Variants in COL18A1 observed in about 807,000 individuals in gnomAD.
The protein encoded by COL18A1 is collagen type XVIII alpha 1 chain.
In COL18A1, 133 loss-of-function variants were observed where a neutral mutation model predicts 168.0. The ratio of observed to expected loss-of-function variants is 0.79; its 90% CI spans 0.69 to 0.91. COL18A1 has a LOEUF of 0.91. Ranked by LOEUF, COL18A1 falls within the 40% of genes least tolerant of loss-of-function variation. The pLI is 0.00. For synonymous variants in COL18A1, 949 were observed against 809.0 expected, an observed-to-expected ratio of 1.17 and a Z score of -2.94; for missense variants, 2,126 against 1,925.4, an observed-to-expected ratio of 1.10 and a Z score of -1.95.
intron 2 of COL18A1, among the ~76,000 whole-genome samples, chr21:45,441,585 C>A (rs1266541666): frequency 1.3e-5 from 2 of 152,202 alleles, no homozygotes; most frequent in Non-Finnish European, 2.9e-5. Context: ...CCGGGCTGTT[C>A]ATGTTCCCCC....
intron 2 of COL18A1, among the ~76,000 whole-genome samples, chr21:45,411,769 G>A (rs1030875524): frequency 2.2e-5 from 3 of 137,302 alleles, no homozygotes; most frequent in Admixed American, 7.2e-5. Context: ...CGGGGGGTGG[G>A]GGGGGGGCAG....
chr21:45,433,065 G>A (rs368012485), intron 2 of COL18A1, among the ~76,000 whole-genome samples: 14 of 152,286 alleles, frequency 9.2e-5, no homozygotes, highest in African/African-American at 3.1e-4. Flanking sequence ...AATCCTCTTC[G>A]AAACTTGACT....
In COL18A1 at chr21:45,405,225, G is replaced by A; in HGVS notation, c.-6G>A. The A allele has an allele frequency of 6.5e-6, 1 of 153,288 alleles. No individual in the cohort carries two copies. Among genetic ancestry groups the A allele is most frequent in the Non-Finnish European group, 1.2e-5 (1 of 86,674 alleles). 9.5% of individuals were successfully genotyped at this position (153,288 alleles called of 1,614,324 possible). A position where few individuals can be genotyped will look rare whatever the true frequency, so the allele number is the denominator to read the frequency against. On this transcript the variant is annotated 5_prime_UTR_variant, in exon 1 of 42. Transcript: ENST00000651438. ...ATCCCGCGGCGCTGACGGTCCTGGG[G>A]AGAGCATGGCGCCGAGGTGAGGCCG... is the stretch of plus-strand genomic sequence containing the variant.
chr21:45,458,420 C>T (rs2034922794), intron 2 of COL18A1, among the ~76,000 whole-genome samples: 1 of 152,020 alleles, frequency 6.6e-6, no homozygotes, highest in Non-Finnish European at 1.5e-5. Context: ...AGGGGCTGTG[C>T]CCGCGAATGT....
At chr21:45,506,170 T>C (rs773087938) in intron 37 of COL18A1, 341 of 700,290 alleles carry the variant, frequency 4.9e-4, no homozygotes, top group Middle Eastern at 8.1e-4. Context: ...AGCTCAAGCT[T>C]CTGAAAGTGG....
chr21:45,472,342 G>T (rs1175349320), intron 3 of COL18A1, among the ~76,000 whole-genome samples: 1 of 151,904 alleles, frequency 6.6e-6, no homozygotes, highest in Admixed American at 6.6e-5. Flanking sequence ...TCCTGCCTCA[G>T]CCTCCCAAGT....
intron 2 of COL18A1, among the ~76,000 whole-genome samples, chr21:45,426,107 C>T (rs1407618643): frequency 1.3e-5 from 2 of 151,990 alleles, no homozygotes; most frequent in South Asian, 2.1e-4. Flanking sequence ...TTTCGAGTTA[C>T]TTTTTTTCTT....
rs1014545685 is a variant in COL18A1 at position 45,443,391 on chromosome 21, G to A, written c.107-24851G>A. The stretch of plus-strand genomic sequence containing the variant: ...CTGGTAAACCCTTGAAAACCAAGTG[G>A]GCCTTCACCAGCTTGAAAGGCCGCC... On this transcript the variant is annotated intron_variant, in intron 2 of 41. Transcript: ENST00000651438. The surrounding 1 kb of genome is among the most constrained non-coding windows in gnomAD (Gnocchi z 5.2). Among the ~76,000 whole-genome samples, 1 of 152,116 alleles carries A rather than the reference G, an allele frequency of 6.6e-6. No individual in the cohort carries two copies. The highest frequency in any genetic ancestry group is 1.5e-5 in the Non-Finnish European group (1 of 68,004).
intron 40 of COL18A1, among the ~76,000 whole-genome samples, 186 bp from the exon 41 acceptor site, chr21:45,510,925 C>T (rs962432902): frequency 1.4e-5 from 2 of 142,362 alleles, no homozygotes; most frequent in Non-Finnish European, 3.1e-5. Flanking sequence ...TGCAGAACCC[C>T]ACCCCCCAAA....
intron 2 of COL18A1, among the ~76,000 whole-genome samples, chr21:45,444,135 T>G (rs2034454497): frequency 6.6e-6 from 1 of 152,204 alleles, no homozygotes; most frequent in South Asian, 2.1e-4. Flanking sequence ...TCCCGTGGCG[T>G]CCTCTACCCT....
In COL18A1 at chr21:45,473,229, C is replaced by T. The variant is rs1014412047; in HGVS notation, c.652-666C>T. On this transcript the variant is annotated intron_variant, in intron 3 of 41. Coordinates refer to ENST00000651438, the MANE Select transcript of COL18A1 (RefSeq NM_001379500.1). This position sits in a 1 kb window ranked among gnomAD's most constrained non-coding sequence, Gnocchi z 4.0. ...CTGCATCTCACCAGGCACCGCCGGCCGCGCCAGGGCCCGAGAGGGCAGGGT... is the reference window on the plus strand; with the variant it reads ...CTGCATCTCACCAGGCACCGCCGGCTGCGCCAGGGCCCGAGAGGGCAGGGT... Among the ~76,000 whole-genome samples, 5 of 152,248 alleles carry T rather than the reference C, an allele frequency of 3.3e-5. No individual in the cohort carries two copies. Among genetic ancestry groups the T allele is most frequent in the East Asian group, 1.9e-4 (1 of 5,182 alleles).
At chr21:45,455,100 C>T (rs570828990) in intron 2 of COL18A1, among the ~76,000 whole-genome samples, 2 of 152,372 alleles carry the variant, frequency 1.3e-5, no homozygotes, top group South Asian at 2.1e-4. Flanking sequence ...CCAGGCCAGG[C>T]GCCTCTGGGC....
intron 36 of COL18A1, 52 bp from the exon 37 acceptor site, chr21:45,505,786 T>TTCCCCCCCCCC: frequency 1.1e-6 from 1 of 939,198 alleles, no homozygotes. Flanking sequence ...CTTCCGCCCC[T>TTCCCCCCCCCC]GCCCCCCGCC....
At chr21:45,497,149 C>T in intron 31 of COL18A1, 57 bp downstream of exon 31, 1 of 1,112,084 alleles carries the variant, frequency 9.0e-7, no homozygotes, top group Non-Finnish European at 1.4e-6. Flanking sequence ...GCTCCAGAGC[C>T]CCACCTTCCT....
Position 45,480,186 on chromosome 21 carries a change from C to T in COL18A1, c.1398+30C>T, listed in dbSNP as rs75859100. On this transcript the variant is annotated intron_variant, in intron 11 of 41. Transcript: ENST00000651438. Reference sequence around the variant, plus strand: ...GTCCCGCCCTTGGCTTCCTGCGACCCGGGGTCTGCCCTCCTCAAAAGCAGG... The same window carrying T: ...GTCCCGCCCTTGGCTTCCTGCGACCTGGGGTCTGCCCTCCTCAAAAGCAGG... 3,874 of 1,326,546 alleles carry T rather than the reference C, an allele frequency of 2.9e-3. 85 individuals are homozygous for T. In the African/African-American group the frequency reaches 0.049, roughly 17 times the overall value. 82.2% of individuals were successfully genotyped at this position (1,326,546 alleles called of 1,614,324 possible). A position where few individuals can be genotyped will look rare whatever the true frequency, so the allele number is the denominator to read the frequency against.
intron 2 of COL18A1, among the ~76,000 whole-genome samples, chr21:45,450,466 G>T (rs1051573005): frequency 1.3e-5 from 2 of 152,226 alleles, no homozygotes; most frequent in African/African-American, 4.8e-5. Flanking sequence ...TCAAAGCTAC[G>T]GTTGGGGCCT....
At chr21:45,475,856 C>T (rs56964182) in intron 5 of COL18A1, among the ~76,000 whole-genome samples, 1 of 152,230 alleles carries the variant, frequency 6.6e-6, no homozygotes, top group Non-Finnish European at 1.5e-5. Flanking sequence ...TTAGCTCGTG[C>T]GTGGCCATCA....
Position 45,477,414 on chromosome 21 carries a change from A to G in COL18A1, c.932A>G (p.Gln311Arg), listed in dbSNP as rs753757924. 15 of 1,612,456 alleles carry G rather than the reference A, an allele frequency of 9.3e-6. No individual in the cohort carries two copies. Among genetic ancestry groups the G allele is most frequent in the African/African-American group, 1.3e-5 (1 of 74,890 alleles). Residue 311 changes from glutamine to arginine, a missense_variant, in exon 7 of 42, where the codon CAG becomes CGG. Transcript: ENST00000651438. ...EQTTVASLGA[Q>R]TLPGSDSVST... ...CCACCTCTGCTTCTCTTCCCAGCTC[A>G]GACACTTCCTGGCTCAGATTCTGTC... is the stretch of plus-strand genomic sequence containing the variant.
chr21:45,455,287 T>C (rs2034755229), intron 2 of COL18A1, among the ~76,000 whole-genome samples: 1 of 152,238 alleles, frequency 6.6e-6, no homozygotes, highest in South Asian at 2.1e-4. Context: ...TCACGGAGCC[T>C]GGGGCTGCTG....
Sources: gnomAD v4.1 joint callset for allele counts (sites outside exome capture counted in the v4.1 genomes callset) on GRCh38, gnomAD v4.1.1 for gene constraint, Gnocchi (gnomAD v3.1) non-coding constraint, MANE v1.5 for transcripts, NCBI Gene and HGNC (gene_info 2026-07-23, HGNC 2026-07-21) for gene names.